LPIN1: variants seen among roughly 807,000 people sequenced by gnomAD.
LPIN1 encodes phosphatidate phosphatase LPIN1.
In LPIN1, 71 loss-of-function variants were observed where a neutral mutation model predicts 107.5. That is an observed-to-expected ratio of 0.66 (90% CI 0.55 to 0.80). LPIN1 has a LOEUF of 0.80. LPIN1 is among the 30% of genes least tolerant of loss of function. The probability of loss-of-function intolerance (pLI) is 0.00; values close to 1 mark genes in which losing one functional copy is unlikely to be tolerated. For synonymous variants in LPIN1, 445 were observed against 452.6 expected (o/e 0.98, Z 0.21); for missense variants, 1,043 against 1,160.6 (o/e 0.90, Z 1.47).
chr2:11,712,635 G>T (rs1056815460), intron 1 of LPIN1, among the ~76,000 whole-genome samples: 5 of 152,182 alleles, frequency 3.3e-5, no homozygotes, highest in African/African-American at 9.7e-5. Context: ...AAGCTAAGTG[G>T]GTCAGATGAA....
chr2:11,765,302 G>A lies in LPIN1; in HGVS notation c.-9-231G>A, dbSNP rs567068117. Among the ~76,000 whole-genome samples, 13 of 151,778 alleles carry A rather than the reference G, an allele frequency of 8.6e-5. No homozygotes were observed. The highest frequency in any genetic ancestry group is 2.7e-4 in the African/African-American group (11 of 41,344). On this transcript the variant is annotated intron_variant, in intron 1 of 20. Coordinates refer to ENST00000674199, the MANE Select transcript of LPIN1 (RefSeq NM_001349206.2). This position sits in a 1 kb window ranked among gnomAD's most constrained non-coding sequence, Gnocchi z 4.4. ...GGACCCTGATGGGCTGTGATGGGCCGTGATGGACCCTGATGGGCCATGATG... is the reference window on the plus strand; with the variant it reads ...GGACCCTGATGGGCTGTGATGGGCCATGATGGACCCTGATGGGCCATGATG...
At chr2:11,695,693 T>C (rs10084363) in intron 1 of LPIN1, among the ~76,000 whole-genome samples, 17,779 of 152,158 alleles carry the variant, frequency 0.12, 1,184 homozygotes, top group East Asian at 0.31. Flanking sequence ...ATTTTTGTTT[T>C]TGCGGGTGGC....
chr2:11,815,796 C>T (rs181333707), intron 18 of LPIN1, among the ~76,000 whole-genome samples: 1 of 152,216 alleles, frequency 6.6e-6, no homozygotes, highest in East Asian at 1.9e-4. Flanking sequence ...CTCTAACAGA[C>T]CACTGGCCAG....
chr2:11,701,362 G>A (rs1268383132), intron 1 of LPIN1, among the ~76,000 whole-genome samples: 2 of 152,122 alleles, frequency 1.3e-5, no homozygotes, highest in Non-Finnish European at 2.9e-5. Flanking sequence ...TGAACTCAGT[G>A]CCTAGCACAG....
At chr2:11,735,608 G>A (rs1665718154) in intron 1 of LPIN1, among the ~76,000 whole-genome samples, 1 of 152,066 alleles carries the variant, frequency 6.6e-6, no homozygotes, top group Non-Finnish European at 1.5e-5. Flanking sequence ...GGACATTGTC[G>A]AATAGGGGAA....
chr2:11,819,430 A>G (rs760914991), intron 18 of LPIN1, 54 bp from the exon 19 acceptor site: 3 of 1,144,686 alleles, frequency 2.6e-6, no homozygotes, highest in Non-Finnish European at 4.0e-6. Flanking sequence ...AAACAGTTTG[A>G]TGCTAAAGGA....
intron 6 of LPIN1, 135 bp downstream of exon 6, chr2:11,776,328 T>A: frequency 2.0e-6 from 1 of 493,364 alleles, no homozygotes; most frequent in Non-Finnish European, 3.6e-6. Flanking sequence ...AGTGAAAATT[T>A]TGATTTAACT....
intron 1 of LPIN1, among the ~76,000 whole-genome samples, chr2:11,732,905 C>CTGTGTGTGTGTGTG (rs774820092): frequency 6.8e-6 from 1 of 146,952 alleles, no homozygotes; most frequent in African/African-American, 2.7e-5. Context: ...CTCTCTCTCT[C>CTGTGTGTGTGTGTG]TCTCTCTGTG....
chr2:11,735,783 G>C (rs1314744734), intron 1 of LPIN1, among the ~76,000 whole-genome samples: 1 of 152,208 alleles, frequency 6.6e-6, no homozygotes, highest in Non-Finnish European at 1.5e-5. Flanking sequence ...GAAATGATAT[G>C]ATTTGTTAGC....
intron 1 of LPIN1, chr2:11,683,001 C>T (rs1661805910): frequency 6.6e-6 from 1 of 152,212 alleles, no homozygotes; most frequent in African/African-American, 2.4e-5. Flanking sequence ...GGTCCTTTCT[C>T]ACCGGCTACT....
intron 1 of LPIN1, among the ~76,000 whole-genome samples, chr2:11,679,742 G>A (rs1021418712): frequency 3.9e-5 from 6 of 152,242 alleles, no homozygotes; most frequent in Admixed American, 2.6e-4. Context: ...GTCTCTGTGC[G>A]GTGCCCATGG....
chr2:11,809,646 C>T (rs1477328951), intron 17 of LPIN1, among the ~76,000 whole-genome samples: 1 of 152,202 alleles, frequency 6.6e-6, no homozygotes, highest in Non-Finnish European at 1.5e-5. Flanking sequence ...GAACTCCTGA[C>T]CTCAGGTGAT....
intron 17 of LPIN1, among the ~76,000 whole-genome samples, chr2:11,814,699 G>A (rs1680274238): frequency 6.6e-6 from 1 of 152,110 alleles, no homozygotes; most frequent in Non-Finnish European, 1.5e-5. Flanking sequence ...GTGTGAATTG[G>A]CAGGTGGCTG....
chr2:11,784,023 A>G, intron 9 of LPIN1, 101 bp downstream of exon 9: 1 of 1,592,264 alleles, frequency 6.3e-7, no homozygotes, highest in Middle Eastern at 1.7e-4. Context: ...TGTGCAAGAC[A>G]GCTGGGCGCG....
chr2:11,693,203 A>ATTTT (rs34503437), intron 1 of LPIN1, among the ~76,000 whole-genome samples: 8,382 of 135,112 alleles, frequency 0.062, 759 homozygotes, highest in African/African-American at 0.19. Context: ...CCTGAACAAC[A>ATTTT]TTTTTTTTTT....
At chr2:11,763,964 A>AGTGTGTGTGTGT (rs143711712) in intron 1 of LPIN1, among the ~76,000 whole-genome samples, 11,680 of 133,912 alleles carry the variant, frequency 0.087, 608 homozygotes, top group Middle Eastern at 0.16. Flanking sequence ...CATATATTTT[A>AGTGTGTGTGTGT]GTGTGTGTGT....
rs778380925 is a variant in LPIN1, at chr2:11,776,130, C to T, written c.767C>T (p.Ala256Val). The change falls in exon 6 of 21, where the codon GCG becomes GTG. Residue 256 changes from alanine to valine, a missense_variant. By Grantham distance (64) the Ala-to-Val change is moderately conservative. Transcript: ENST00000674199. ...CKRTAPHLAVAAEGGLSSSCP... is the reference protein window; with the variant it reads ...CKRTAPHLAVVAEGGLSSSCP... ...AGGACTGCCCCTCATCTTGCAGTTG[C>T]GGCCGAGGGAGGTCTGTCTAGTTCT... The T allele has an allele frequency of 2.5e-5, 39 of 1,548,216 alleles. No homozygotes were observed. The highest frequency in any genetic ancestry group is 2.9e-5 in the Non-Finnish European group (33 of 1,145,552).
chr2:11,779,182 G>C (rs1296361407), intron 6 of LPIN1, among the ~76,000 whole-genome samples: 1 of 152,224 alleles, frequency 6.6e-6, no homozygotes, highest in African/African-American at 2.4e-5. Flanking sequence ...AGTGCAGAGT[G>C]GGGTGGGGAA....
At chr2:11,723,746 C>G (rs1391660393), upstream of LPIN1, 1 of 152,200 alleles carries the variant, frequency 6.6e-6, no homozygotes, top group African/African-American at 2.4e-5. Flanking sequence ...CCTGAGCAGA[C>G]TTCTGATGCT....
Sources: gnomAD v4.1 joint callset for allele counts (sites outside exome capture counted in the v4.1 genomes callset) on GRCh38, gnomAD v4.1.1 for gene constraint, Gnocchi (gnomAD v3.1) non-coding constraint, MANE v1.5 for transcripts, NCBI Gene and HGNC (gene_info 2026-07-23, HGNC 2026-07-21) for gene names.